Variants in MAST4 observed in about 807,000 individuals in gnomAD.
MAST4 encodes microtubule-associated serine/threonine-protein kinase 4.
MAST4 carries 89 observed loss-of-function variants against 162.7 expected under a neutral mutation model. That is an observed-to-expected ratio of 0.55 (90% CI 0.46 to 0.65). The LOEUF (loss-of-function observed/expected upper bound fraction) is 0.65. MAST4 is among the 30% of genes least tolerant of loss of function. The pLI, the probability that MAST4 is intolerant of heterozygous loss-of-function variation, is 0.00. For missense variants in MAST4, 3,153 were observed against 3,374.0 expected, an observed-to-expected ratio of 0.93 and a Z score of 1.62; for synonymous variants, 1,479 against 1,361.1, an observed-to-expected ratio of 1.09 and a Z score of -1.91.
intron 24 of MAST4, 122 bp downstream of exon 24, chr5:67,149,711 A>C (rs977208440): frequency 1.0e-6 from 1 of 990,260 alleles, no homozygotes; most frequent in African/African-American, 1.6e-5. Flanking sequence ...GTCATGTCCC[A>C]GGACAGCTCT....
intron 1 of MAST4, among the ~76,000 whole-genome samples, chr5:66,673,894 C>T (rs549401258): frequency 6.6e-6 from 1 of 152,264 alleles, no homozygotes; most frequent in South Asian, 2.1e-4. Flanking sequence ...CTTTCATTAG[C>T]ATAACAAAGT....
intron 2 of MAST4, 63 bp from the exon 3 acceptor site, chr5:66,788,607 C>CCAACCAAAAAAA: frequency 7.3e-7 from 1 of 1,373,726 alleles, no homozygotes; most frequent in Non-Finnish European, 1.0e-6. Context: ...CCCCCACCCC[C>CCAACCAAAAAAA]ATTGCAATAA....
chr5:66,917,083 C>T, intron 4 of MAST4: 1 of 715,424 alleles, frequency 1.4e-6, no homozygotes, highest in South Asian at 1.5e-5. Context: ...CACCTTCACC[C>T]ATAAGAATGC....
intron 4 of MAST4, among the ~76,000 whole-genome samples, chr5:66,909,062 C>A (rs1763568785): frequency 6.6e-6 from 1 of 152,052 alleles, no homozygotes; most frequent in Non-Finnish European, 1.5e-5. Flanking sequence ...TTATTTTTGT[C>A]CTGTTGAGTT....
chr5:66,758,920 ACATATT>A (rs1189813401), intron 1 of MAST4, among the ~76,000 whole-genome samples: 1 of 151,940 alleles, frequency 6.6e-6, no homozygotes, highest in African/African-American at 2.4e-5. Context: ...TGTCTTAGAC[ACATATT>A]CATATGTACT....
At chr5:67,031,200 C>T (rs546348981) in intron 4 of MAST4, among the ~76,000 whole-genome samples, 31 of 152,262 alleles carry the variant, frequency 2.0e-4, no homozygotes, top group African/African-American at 7.2e-4. Flanking sequence ...AATTGCTACT[C>T]TTTGCTGCTT....
At chr5:66,616,291 A>G (rs1038325345) in intron 1 of MAST4, among the ~76,000 whole-genome samples, 3 of 152,180 alleles carry the variant, frequency 2.0e-5, no homozygotes, top group Admixed American at 6.5e-5. Flanking sequence ...CCTCCCAAGC[A>G]GCCCCTACCA....
intron 1 of MAST4, among the ~76,000 whole-genome samples, chr5:66,723,186 A>G (rs190553708): frequency 8.7e-4 from 133 of 152,274 alleles, no homozygotes; most frequent in African/African-American, 2.6e-3. Context: ...CTTAGGTACC[A>G]TTTTAAATCA....
At chr5:66,837,920 T>G (rs1373985336) in intron 3 of MAST4, among the ~76,000 whole-genome samples, 4 of 128,326 alleles carry the variant, frequency 3.1e-5, no homozygotes, top group Non-Finnish European at 4.8e-5. Context: ...TTTTTTTTAA[T>G]GTGGAGGTGT....
chr5:66,645,152 A>C (rs1051257541), intron 1 of MAST4, among the ~76,000 whole-genome samples: 7 of 152,240 alleles, frequency 4.6e-5, no homozygotes, highest in Non-Finnish European at 1.0e-4. Flanking sequence ...TGCCCAGGCA[A>C]GATTAGAACC....
intron 3 of MAST4, among the ~76,000 whole-genome samples, chr5:66,824,149 G>A (rs567920349): frequency 8.5e-5 from 13 of 152,294 alleles, no homozygotes; most frequent in African/African-American, 2.4e-4. Context: ...AGTAACCAAC[G>A]GAATATTTAC....
chr5:67,131,856 T>G lies in MAST4; in HGVS notation c.1998T>G (p.Pro666=), dbSNP rs1159378877. Residue 666 remains proline, a synonymous_variant, in exon 16 of 29, where the codon CCT becomes CCG. Transcript: ENST00000403625. ...ATLMKNMGPL[P]VDMARMYFAE... ...TAATGAAAAACATGGGTCCTCTCCC[T>G]GTTGATATGGCCAGAATGTACTTTG... 6.2e-7 allele frequency: 1 copy of G among 1,613,154 alleles called. No individual in the cohort carries two copies. Among genetic ancestry groups the G allele is most frequent in the Non-Finnish European group, 8.5e-7 (1 of 1,179,374 alleles).
At chr5:67,013,373 T>C (rs1028887221) in intron 4 of MAST4, among the ~76,000 whole-genome samples, 5 of 152,060 alleles carry the variant, frequency 3.3e-5, no homozygotes, top group African/African-American at 1.2e-4. Flanking sequence ...AAACTGAAAA[T>C]GTGAAATTTG....
At chr5:66,824,037 G>A (rs1371813671) in intron 3 of MAST4, among the ~76,000 whole-genome samples, 1 of 152,194 alleles carries the variant, frequency 6.6e-6, no homozygotes, top group Non-Finnish European at 1.5e-5. Context: ...ATGGAAAGAA[G>A]TAATCAGTGA....
chr5:66,760,953 T>C (rs1338013566), intron 2 of MAST4, among the ~76,000 whole-genome samples: 1 of 152,224 alleles, frequency 6.6e-6, no homozygotes, highest in Non-Finnish European at 1.5e-5. Flanking sequence ...TATAAATTAT[T>C]CTTTGTTAAT....
At chr5:67,133,954 C>CACA (rs1769302258) in intron 17 of MAST4, among the ~76,000 whole-genome samples, 1 of 152,148 alleles carries the variant, frequency 6.6e-6, no homozygotes, top group Non-Finnish European at 1.5e-5. Context: ...TCAGGAGTCT[C>CACA]AGTAGAGTAC....
At chr5:67,121,694 CA>C (rs1225937373) in intron 14 of MAST4, among the ~76,000 whole-genome samples, 2 of 149,886 alleles carry the variant, frequency 1.3e-5, no homozygotes, top group Non-Finnish European at 3.0e-5. Flanking sequence ...AAAAAAATCA[CA>C]AAAAACTCAT....
chr5:66,954,616 A>G (rs1745082830), intron 4 of MAST4, among the ~76,000 whole-genome samples: 1 of 152,194 alleles, frequency 6.6e-6, no homozygotes, highest in Non-Finnish European at 1.5e-5. Context: ...AGATGAGAAG[A>G]AAGCCTGGGC....
intron 2 of MAST4, among the ~76,000 whole-genome samples, chr5:66,776,768 C>T (rs192617235): frequency 6.6e-6 from 1 of 152,180 alleles, no homozygotes. Context: ...TGACGTGGGG[C>T]TACAAAAACA....
Sources: gnomAD v4.1 joint callset for allele counts (sites outside exome capture counted in the v4.1 genomes callset) on GRCh38, gnomAD v4.1.1 for gene constraint, MANE v1.5 for transcripts, NCBI Gene and HGNC (gene_info 2026-07-23, HGNC 2026-07-21) for gene names.